The following ACTR3C variants were observed in gnomAD, a reference collection of about 807,000 sequenced individuals.
The protein encoded by ACTR3C is actin-related protein 3C.
A neutral mutation model predicts 26.3 loss-of-function variants in ACTR3C; 18 were observed. The ratio of observed to expected loss-of-function variants is 0.68; its 90% CI spans 0.47 to 1.01. The LOEUF (loss-of-function observed/expected upper bound fraction) is 1.01, where lower values mean the gene tolerates loss of function less well. Among genes scored for constraint, ACTR3C ranks in the 50% least tolerant of loss-of-function variants. ACTR3C has a pLI of 0.00. For synonymous variants in ACTR3C, 55 were observed against 94.5 expected, an observed-to-expected ratio of 0.58 and a Z score of 2.42; for missense variants, 184 against 250.7, an observed-to-expected ratio of 0.73 and a Z score of 1.80.
At chr7:150,113,423 C>T in the ACTR3C span, among the ~76,000 whole-genome samples, 1 of 146,264 alleles carries the variant, frequency 6.8e-6, no homozygotes, top group East Asian at 2.0e-4. Context: ...ACAAACCATG[C>T]ATTCTTTAGA....
the ACTR3C span, among the ~76,000 whole-genome samples, chr7:150,238,781 TG>T: frequency 2.0e-5 from 3 of 149,344 alleles, no homozygotes; most frequent in African/African-American, 7.6e-5. Context: ...CCTTCCCTAA[TG>T]TTTTTTTCTT....
intron 4 of ACTR3C, among the ~76,000 whole-genome samples, chr7:150,289,172 C>T (rs1018607397): frequency 1.3e-5 from 2 of 152,098 alleles, no homozygotes; most frequent in Non-Finnish European, 2.9e-5. Flanking sequence ...GAGGCTCCAG[C>T]AGTGAGGCTC....
At chr7:149,991,819 C>T in the ACTR3C span, among the ~76,000 whole-genome samples, 1 of 152,244 alleles carries the variant, frequency 6.6e-6, no homozygotes, top group Admixed American at 6.5e-5. Flanking sequence ...CAGCCTTGAC[C>T]TCCTGAGCTT....
chr7:150,220,261 G>A, the ACTR3C span, among the ~76,000 whole-genome samples: 1 of 148,006 alleles, frequency 6.8e-6, no homozygotes, highest in African/African-American at 2.7e-5. Context: ...GCCTTTCCCC[G>A]GGGGATACCT....
At chr7:149,977,119 C>T in the ACTR3C span, among the ~76,000 whole-genome samples, 1 of 151,962 alleles carries the variant, frequency 6.6e-6, no homozygotes, top group Non-Finnish European at 1.5e-5. Context: ...ACATCCCTCC[C>T]TTTCTCACCA....
the ACTR3C span, among the ~76,000 whole-genome samples, chr7:150,207,401 G>T: frequency 6.6e-6 from 1 of 152,154 alleles, no homozygotes. Context: ...ATAATAGCAA[G>T]GAGTCCAATG....
At chr7:150,225,368 T>C in the ACTR3C span, among the ~76,000 whole-genome samples, 11 of 152,256 alleles carry the variant, frequency 7.2e-5, no homozygotes, top group South Asian at 2.3e-3. Flanking sequence ...TTCATACTAA[T>C]GTCTACAACT....
the ACTR3C span, among the ~76,000 whole-genome samples, chr7:149,886,530 A>T: frequency 6.6e-6 from 1 of 152,256 alleles, no homozygotes; most frequent in Non-Finnish European, 1.5e-5. Flanking sequence ...CACTCCAGAT[A>T]CTAAAAAGTC....
At chr7:150,142,532 T>C in the ACTR3C span, among the ~76,000 whole-genome samples, 1 of 152,134 alleles carries the variant, frequency 6.6e-6, no homozygotes, top group East Asian at 1.9e-4. Flanking sequence ...CTTGTTTTTT[T>C]GTTTGTTTGT....
At chr7:150,138,181 A>G in the ACTR3C span, among the ~76,000 whole-genome samples, 2 of 152,358 alleles carry the variant, frequency 1.3e-5, no homozygotes, top group Non-Finnish European at 2.9e-5. Context: ...TGTGACACCA[A>G]GTAGACAACA....
Position 150,253,616 on chromosome 7 carries a change from G to A in ACTR3C, c.565-4562C>T, listed in dbSNP as rs187422542. Among the ~76,000 whole-genome samples the A allele has an allele frequency of 2.9e-4, 44 of 152,038 alleles. No individual in the cohort carries two copies. The East Asian group carries it at 8.3e-3, about 29-fold the overall frequency. The stretch of plus-strand genomic sequence containing the variant: ...GGATGTTCTTATTTCCAAGTAGCTG[G>A]AAATTACCAAATACCAATCATAATA... On this transcript the variant is annotated intron_variant, in intron 6 of 7. Transcript: ENST00000683684.
chr7:149,887,663 G>A, the ACTR3C span, among the ~76,000 whole-genome samples: 4 of 152,190 alleles, frequency 2.6e-5, no homozygotes, highest in African/African-American at 2.4e-5. Context: ...AAAATGACCC[G>A]AGCCAAGTCG....
chr7:150,226,717 C>T, the ACTR3C span, among the ~76,000 whole-genome samples: 1 of 152,158 alleles, frequency 6.6e-6, no homozygotes, highest in Non-Finnish European at 1.5e-5. Flanking sequence ...GGATTACAGG[C>T]GTGAACCACC....
the ACTR3C span, among the ~76,000 whole-genome samples, chr7:150,166,188 A>T: frequency 6.6e-6 from 1 of 151,280 alleles, no homozygotes; most frequent in African/African-American, 2.5e-5. Context: ...CATAAGCTCT[A>T]CAAACAGCTT....
chr7:150,090,258 G>A, the ACTR3C span, among the ~76,000 whole-genome samples: 1 of 152,250 alleles, frequency 6.6e-6, no homozygotes, highest in Non-Finnish European at 1.5e-5. Flanking sequence ...TTTCAGATGA[G>A]AACTGAATAG....
At chr7:150,030,955 A>G in the ACTR3C span, among the ~76,000 whole-genome samples, 1 of 152,134 alleles carries the variant, frequency 6.6e-6, no homozygotes, top group East Asian at 1.9e-4. Flanking sequence ...GCAATGTGGC[A>G]TCATTGTAAA....
At chr7:150,053,143 T>C in the ACTR3C span, among the ~76,000 whole-genome samples, 1 of 148,386 alleles carries the variant, frequency 6.7e-6, no homozygotes, top group Non-Finnish European at 1.5e-5. Context: ...CCAAGGCTCT[T>C]AGGTTTTTGG....
the ACTR3C span, among the ~76,000 whole-genome samples, chr7:149,991,570 C>G: frequency 6.6e-6 from 1 of 152,176 alleles, no homozygotes; most frequent in African/African-American, 2.4e-5. Context: ...ATTTTGGATT[C>G]TTTTGGCCAT....
At chr7:150,178,250 T>A in the ACTR3C span, among the ~76,000 whole-genome samples, 1 of 148,996 alleles carries the variant, frequency 6.7e-6, no homozygotes, top group Admixed American at 6.6e-5. Flanking sequence ...GAGGTGTCCA[T>A]GGAAGATTTT....
Sources: allele counts gnomAD v4.1 joint callset (sites outside exome capture counted in the v4.1 genomes callset), GRCh38; gene constraint gnomAD v4.1.1; transcripts MANE v1.5; gene names NCBI Gene and HGNC (gene_info 2026-07-23, HGNC 2026-07-21).